The following ACAT1 variants were observed in gnomAD, a reference collection of about 807,000 sequenced individuals.
ACAT1 encodes the protein acetyl-CoA acetyltransferase, mitochondrial.
A neutral mutation model predicts 47.3 loss-of-function variants in ACAT1; 28 were observed. The observed-to-expected ratio is 0.59, with a 90% CI of 0.44 to 0.81. The LOEUF is 0.81. ACAT1 is among the 30% of genes least tolerant of loss of function. The probability of loss-of-function intolerance (pLI) is 0.00; values close to 1 mark genes in which losing one functional copy is unlikely to be tolerated. For missense variants in ACAT1, 469 were observed against 524.3 expected, an observed-to-expected ratio of 0.89 and a Z score of 1.03; for synonymous variants, 181 against 173.6, an observed-to-expected ratio of 1.04 and a Z score of -0.34.
intron 1 of ACAT1, among the ~76,000 whole-genome samples, chr11:108,129,713 A>G (rs1257189259): frequency 6.6e-6 from 1 of 152,090 alleles, no homozygotes; most frequent in Non-Finnish European, 1.5e-5. Context: ...CAGTAGTGGA[A>G]TTGCTGGATC....
upstream of ACAT1, among the ~76,000 whole-genome samples, chr11:108,118,487 A>G (rs79578676): frequency 6.6e-6 from 1 of 151,320 alleles, no homozygotes; most frequent in Non-Finnish European, 1.5e-5. Context: ...CCACTGTCCT[A>G]CCTCAGCCTC....
chr11:108,122,390 C>T (rs942665221), intron 1 of ACAT1, among the ~76,000 whole-genome samples: 2 of 152,216 alleles, frequency 1.3e-5, no homozygotes, highest in African/African-American at 2.4e-5. Context: ...GGCAAAGCCT[C>T]AGGAATAGGT....
At chr11:108,142,317 C>T (rs2077605848) in intron 8 of ACAT1, 120 bp from the exon 9 acceptor site, 3 of 772,448 alleles carry the variant, frequency 3.9e-6, no homozygotes, top group South Asian at 2.9e-5. Flanking sequence ...GAATTGTCTC[C>T]ACCCATATTT....
chr11:108,127,893 G>T (rs997588651), intron 1 of ACAT1: 37 of 152,306 alleles, frequency 2.4e-4, no homozygotes, highest in African/African-American at 8.7e-4. Context: ...CAGCTTGCAG[G>T]GCACAGTGGC....
chr11:108,146,219 A>T lies in ACAT1; in HGVS notation c.1023A>T (p.Gly341=). The T allele has an allele frequency of 6.2e-7, 1 of 1,612,764 alleles. No homozygotes were observed. The highest frequency in any genetic ancestry group is 8.5e-7 in the Non-Finnish European group (1 of 1,179,022). ...AATTTAAGGTTCTTAAAGATGTGGG[A>T]TTGAAAAAAGAAGATATTGCAATGT... ...YAASMVLKDV[G]LKKEDIAMWE... Residue 341 remains glycine (G), a synonymous_variant, in exon 11 of 12, where the codon GGA becomes GGT. Coordinates refer to ENST00000265838, the MANE Select transcript of ACAT1 (RefSeq NM_000019.4).
chr11:108,134,382 T>G, intron 4 of ACAT1, 66 bp downstream of exon 4: 1 of 1,298,274 alleles, frequency 7.7e-7, no homozygotes. Context: ...CGGTGGCTCA[T>G]GCCTGTAATC....
At chr11:108,141,310 G>A (rs117486562) in intron 7 of ACAT1, among the ~76,000 whole-genome samples, 2,162 of 145,436 alleles carry the variant, frequency 0.015, 37 homozygotes, top group Non-Finnish European at 0.021. Context: ...ACATGGGCCT[G>A]GAGAGGATGA....
intron 7 of ACAT1, 83 bp from the exon 8 acceptor site, chr11:108,141,522 G>A (rs11212523): frequency 1.0e-6 from 1 of 978,454 alleles, no homozygotes; most frequent in East Asian, 2.5e-5. Flanking sequence ...GGGAGGCACA[G>A]ACTACTAGGC....
chr11:108,147,089 C>CT (rs2077729365), intron 11 of ACAT1, among the ~76,000 whole-genome samples, 181 bp from the exon 12 acceptor site: 1 of 152,048 alleles, frequency 6.6e-6, no homozygotes. Flanking sequence ...AAAAAATGAT[C>CT]TAAGATCTGT....
chr11:108,129,274 C>T (rs1221199856), intron 1 of ACAT1: 1 of 152,204 alleles, frequency 6.6e-6, no homozygotes, highest in Non-Finnish European at 1.5e-5. Context: ...TTTGCTTTAT[C>T]CACTTGTTGA....
chr11:108,127,240 T>G (rs531781413), intron 1 of ACAT1, among the ~76,000 whole-genome samples: 2 of 151,260 alleles, frequency 1.3e-5, no homozygotes, highest in Admixed American at 6.6e-5. Context: ...AGATAGAAAT[T>G]TGGAAAATCA....
At chr11:108,131,375 A>G (rs532699226) in intron 1 of ACAT1, among the ~76,000 whole-genome samples, 3 of 5,762 alleles carry the variant, frequency 5.2e-4, no homozygotes, top group East Asian at 0.012. Flanking sequence ...TTTTTTTTAG[A>G]CAGTCTTGCT....
intron 4 of ACAT1, among the ~76,000 whole-genome samples, chr11:108,134,875 G>A (rs2077436628): frequency 6.8e-6 from 1 of 146,790 alleles, no homozygotes; most frequent in Non-Finnish European, 1.5e-5. Context: ...AACCCAGGAG[G>A]TGGAGCTTGC....
intron 3 of ACAT1, 52 bp downstream of exon 3, chr11:108,133,989 A>G: frequency 2.0e-6 from 3 of 1,499,376 alleles, no homozygotes; most frequent in Non-Finnish European, 2.8e-6. Flanking sequence ...ATTCCATGGA[A>G]AAGATATTTA....
At chr11:108,118,775 T>C (rs1364216834), upstream of ACAT1, among the ~76,000 whole-genome samples, 35 of 152,244 alleles carry the variant, frequency 2.3e-4, no homozygotes, top group Admixed American at 2.3e-3. Flanking sequence ...AAAGAGCAGC[T>C]TGCCTGCTGT....
intron 8 of ACAT1, among the ~76,000 whole-genome samples, chr11:108,141,925 G>T (rs900338733): frequency 3.9e-5 from 6 of 152,084 alleles, no homozygotes; most frequent in Non-Finnish European, 8.8e-5. Context: ...TTTTTCATAT[G>T]TAGCAGTCTA....
intron 8 of ACAT1, 109 bp downstream of exon 8, chr11:108,141,809 TTTAACA>T: frequency 2.6e-6 from 2 of 757,012 alleles, no homozygotes; most frequent in Non-Finnish European, 4.5e-6. Flanking sequence ...CTAGATGTTA[TTTAACA>T]TTTTCAGTAT....
upstream of ACAT1, among the ~76,000 whole-genome samples, chr11:108,116,737 GGAGAA>G (rs1458431518): frequency 6.6e-6 from 1 of 152,144 alleles, no homozygotes; most frequent in Non-Finnish European, 1.5e-5. Flanking sequence ...CACACACAGG[GGAGAA>G]GACAGGGGTT....
upstream of ACAT1, among the ~76,000 whole-genome samples, chr11:108,119,429 C>T (rs2135277819): frequency 6.6e-6 from 1 of 152,154 alleles, no homozygotes; most frequent in East Asian, 1.9e-4. Context: ...CTTTTAACTC[C>T]TGACTTCAAA....
Sources: gnomAD v4.1 joint callset for allele counts (sites outside exome capture counted in the v4.1 genomes callset) on GRCh38, gnomAD v4.1.1 for gene constraint, MANE v1.5 for transcripts, NCBI Gene and HGNC (gene_info 2026-07-23, HGNC 2026-07-21) for gene names.